Variants in CIT observed in about 807,000 individuals in gnomAD.
The protein encoded by CIT is citron Rho-interacting kinase.
In CIT, 79 loss-of-function variants were observed where a neutral mutation model predicts 272.7. The observed-to-expected ratio is 0.29, with a 90% CI of 0.24 to 0.35. The LOEUF (loss-of-function observed/expected upper bound fraction) is 0.35. Ranked by LOEUF, CIT falls within the 10% of genes least tolerant of loss-of-function variation. CIT has a pLI of 1.00. For synonymous variants in CIT, 948 were observed against 995.6 expected (o/e 0.95, Z 0.90); for missense variants, 1,909 against 2,618.3 (o/e 0.73, Z 5.91).
chr12:119,731,813 A>AAT (rs57327382), intron 26 of CIT, among the ~76,000 whole-genome samples: 1,480 of 139,090 alleles, frequency 0.011, 19 homozygotes, highest in African/African-American at 0.026. Flanking sequence ...TTCTCTCCTA[A>AAT]ATATATATAT....
In CIT at chr12:119,776,962, A is replaced by T. The variant is rs1444450520; in HGVS notation, c.1666-120T>A. On this transcript the variant is annotated intron_variant, in intron 13 of 47. Coordinates refer to ENST00000392521, the MANE Select transcript of CIT (RefSeq NM_001206999.2). ...ATGCACAGTGAAGAGAGACTGGCAA[A>T]GAAAAGACCTGGCCAGGTGCAGTGG... is the stretch of plus-strand genomic sequence containing the variant. 2.7e-6 allele frequency: 3 copies of T among 1,128,470 alleles called. No individual in the cohort carries two copies. The Admixed American group carries it at 6.4e-5, about 24-fold the overall frequency. The allele number at this position is 1,128,470 out of a possible 1,614,324, so 69.9% of individuals were successfully genotyped here. A position where few individuals can be genotyped will look rare whatever the true frequency, so the allele number is the denominator to read the frequency against.
At chr12:119,809,905 C>G (rs1218232868) in intron 9 of CIT, among the ~76,000 whole-genome samples, 1 of 152,234 alleles carries the variant, frequency 6.6e-6, no homozygotes, top group Admixed American at 6.5e-5. Flanking sequence ...GTTTGGAGAG[C>G]TTCCGGATAG....
chr12:119,762,244 G>A (rs1207173099), intron 19 of CIT, among the ~76,000 whole-genome samples: 11 of 151,816 alleles, frequency 7.2e-5, no homozygotes, highest in Admixed American at 6.6e-4. Context: ...ACTGACTGAT[G>A]AAAAAAAATA....
chr12:119,720,455 A>T lies in CIT; in HGVS notation c.3840+23T>A, dbSNP rs764445753. 2.6e-6 allele frequency: 4 copies of T among 1,542,420 alleles called. No individual in the cohort carries two copies. The African/African-American group carries it at 5.5e-5, about 21-fold the overall frequency. Reference sequence around the variant, plus strand: ...ATGATGAGTGAAACTGACAATTCCCACTTTTCAAACACTTTGACTCACCTT... The same window carrying T: ...ATGATGAGTGAAACTGACAATTCCCTCTTTTCAAACACTTTGACTCACCTT... On this transcript the variant is annotated intron_variant, in intron 30 of 47. Transcript: ENST00000392521.
In CIT at chr12:119,784,192, T is replaced by C. The variant is rs756803585; in HGVS notation, c.1402-141A>G. ...AGTTAAGTTGGGATGGAAATACCAT[T>C]GTTTCTTCGCCCAGGAGCGCACAGT... On this transcript the variant is annotated intron_variant, in intron 11 of 47. Transcript: ENST00000392521. This position sits in a 1 kb window ranked among gnomAD's most constrained non-coding sequence, Gnocchi z 4.7. 2 of 1,607,784 alleles carry C rather than the reference T, an allele frequency of 1.2e-6. No individual in the cohort carries two copies. The highest frequency in any genetic ancestry group is 2.2e-5 in the East Asian group (1 of 44,576).
chr12:119,698,680 G>A (rs1956372608), intron 44 of CIT, among the ~76,000 whole-genome samples: 1 of 152,014 alleles, frequency 6.6e-6, no homozygotes, highest in Non-Finnish European at 1.5e-5. Context: ...AGATATGAAA[G>A]AATGCCCAAG....
rs1433772835 is a variant in CIT at position 119,712,063 on chromosome 12, C to CAG, written c.4854+113_4854+114dup. On this transcript the variant is annotated intron_variant, in intron 37 of 47. Transcript: ENST00000392521. The surrounding 1 kb of genome is among the most constrained non-coding windows in gnomAD (Gnocchi z 5.2). Reference sequence around the variant, plus strand: ...GACACAGTCTAGAGCCATCAGCCCTCAGAGAGAGAGCCTGAGGGGAATCAA... The same window carrying CAG: ...GACACAGTCTAGAGCCATCAGCCCTCAGAGAGAGAGAGCCTGAGGGGAATCAA... The CAG allele has an allele frequency of 1.9e-6, 2 of 1,049,488 alleles. No individual in the cohort carries two copies. Among genetic ancestry groups the CAG allele is most frequent in the African/African-American group, 1.6e-5 (1 of 62,682 alleles). The allele number at this position is 1,049,488 out of a possible 1,614,324, so 65.0% of individuals were successfully genotyped here. A position where few individuals can be genotyped will look rare whatever the true frequency, so the allele number is the denominator to read the frequency against.
intron 9 of CIT, among the ~76,000 whole-genome samples, chr12:119,812,355 C>T (rs1252336700): frequency 6.6e-6 from 1 of 152,168 alleles, no homozygotes; most frequent in Non-Finnish European, 1.5e-5. Context: ...GAATTACGTA[C>T]ACCCAATAAC....
At chr12:119,773,805 C>G (rs1331329160) in intron 16 of CIT, among the ~76,000 whole-genome samples, 1 of 152,160 alleles carries the variant, frequency 6.6e-6, no homozygotes, top group Non-Finnish European at 1.5e-5. Flanking sequence ...CTCCCTCACA[C>G]TTTGATTGGA....
chr12:119,864,837 C>T (rs1950470545), intron 3 of CIT, among the ~76,000 whole-genome samples: 1 of 152,150 alleles, frequency 6.6e-6, no homozygotes, highest in East Asian at 1.9e-4. Context: ...TTCCCTGGTT[C>T]CCAGATGCTC....
chr12:119,775,508 T>C (rs903782959), intron 16 of CIT, among the ~76,000 whole-genome samples: 2 of 152,192 alleles, frequency 1.3e-5, no homozygotes, highest in African/African-American at 4.8e-5. Context: ...AGGCGAGAGA[T>C]GCAGGCCTCT....
At chr12:119,863,923 T>C (rs11064942) in intron 3 of CIT, among the ~76,000 whole-genome samples, 7,788 of 152,076 alleles carry the variant, frequency 0.051, 390 homozygotes, top group African/African-American at 0.13. Flanking sequence ...AAGGCGCCAT[T>C]TTTGAAGCAG....
chr12:119,777,530 T>C (rs169408), intron 13 of CIT, among the ~76,000 whole-genome samples: 71,380 of 150,356 alleles, frequency 0.47, 17,324 homozygotes, highest in Admixed American at 0.58. Flanking sequence ...ATTAGCCAGG[T>C]GTGGTGGTGG....
chr12:119,868,829 C>T (rs890855939), intron 3 of CIT, among the ~76,000 whole-genome samples: 1 of 152,216 alleles, frequency 6.6e-6, no homozygotes, highest in Admixed American at 6.5e-5. Context: ...TGAGCCATTG[C>T]ACCTGGCCTA....
chr12:119,710,804 G>A lies in CIT; in HGVS notation c.4855-184C>T. ...TGAGCTCCAAATGCAAAATGCGAGT[G>A]CTATTGGTATCTCTGGGGCAGCTGT... On this transcript the variant is annotated intron_variant, in intron 37 of 47. Coordinates refer to ENST00000392521, the MANE Select transcript of CIT (RefSeq NM_001206999.2). This position sits in a 1 kb window ranked among gnomAD's most constrained non-coding sequence, Gnocchi z 5.6. The A allele has an allele frequency of 1.5e-6, 1 of 675,958 alleles. No homozygotes were observed. The highest frequency in any genetic ancestry group is 2.5e-6 in the Non-Finnish European group (1 of 396,886). 41.9% of individuals were successfully genotyped at this position (675,958 alleles called of 1,614,324 possible).
Position 119,728,654 on chromosome 12 carries a change from A to G in CIT, c.3487-48T>C. 6 of 1,259,676 alleles carry G rather than the reference A, an allele frequency of 4.8e-6. No individual in the cohort carries two copies. The highest frequency in any genetic ancestry group is 5.7e-6 in the Non-Finnish European group (5 of 870,606). 78.0% of individuals were successfully genotyped at this position (1,259,676 alleles called of 1,614,324 possible). A position where few individuals can be genotyped will look rare whatever the true frequency, so the allele number is the denominator to read the frequency against. On this transcript the variant is annotated intron_variant, in intron 27 of 47. Transcript: ENST00000392521. The surrounding 1 kb of genome is among the most constrained non-coding windows in gnomAD (Gnocchi z 4.3). ...ATAATGCCACACTTAGGAATGTTAGATGCTGACAACGTTTATGAATGTCCA... is the reference window on the plus strand; with the variant it reads ...ATAATGCCACACTTAGGAATGTTAGGTGCTGACAACGTTTATGAATGTCCA...
At chr12:119,829,391 G>GAAGAGAAGAGAAGAGAAGAA (rs1566099909) in intron 7 of CIT, among the ~76,000 whole-genome samples, 4 of 146,948 alleles carry the variant, frequency 2.7e-5, no homozygotes, top group African/African-American at 9.9e-5. Context: ...GAAGAGAAGA[G>GAAGAGAAGAGAAGAGAAGAA]AAGAGAAGAG....
chr12:119,867,146 C>G (rs984167659), intron 3 of CIT, among the ~76,000 whole-genome samples: 1 of 152,094 alleles, frequency 6.6e-6, no homozygotes, highest in African/African-American at 2.4e-5. Flanking sequence ...CAGAGGAATC[C>G]CCAGCTGAGT....
chr12:119,724,696 T>G (rs954116252), intron 28 of CIT, among the ~76,000 whole-genome samples: 1 of 152,074 alleles, frequency 6.6e-6, no homozygotes, highest in Non-Finnish European at 1.5e-5. Context: ...TCCCAGCACT[T>G]TGGGAGGCCA....
Sources: allele counts gnomAD v4.1 joint callset (sites outside exome capture counted in the v4.1 genomes callset), GRCh38; gene constraint gnomAD v4.1.1; non-coding constraint Gnocchi (gnomAD v3.1); transcripts MANE v1.5; gene names NCBI Gene and HGNC (gene_info 2026-07-23, HGNC 2026-07-21).